The following TRAF3IP2 variants were observed in gnomAD, a reference collection of about 807,000 sequenced individuals.
TRAF3IP2 encodes the protein E3 ubiquitin ligase TRAF3IP2.
In TRAF3IP2, 35 loss-of-function variants were observed where a neutral mutation model predicts 57.9. The observed-to-expected ratio is 0.60, with a 90% confidence interval of 0.46 to 0.80. The LOEUF (loss-of-function observed/expected upper bound fraction) is 0.80. Ranked by LOEUF, TRAF3IP2 falls within the 30% of genes least tolerant of loss-of-function variation. TRAF3IP2 has a pLI of 0.00. For synonymous variants in TRAF3IP2, 251 were observed against 268.9 expected (o/e 0.93, Z 0.65); for missense variants, 556 against 706.4 (o/e 0.79, Z 2.41).
In TRAF3IP2 at chr6:111,559,478, C is replaced by A. The variant is rs760085841; in HGVS notation, c.1625G>T (p.Arg542Leu). The stretch of plus-strand genomic sequence containing the variant: ...CACATACTCTTCCTCTCTCAGCAGC[C>A]GCAGCAGGATGTTTTTTTTATTCTT... Reference protein sequence around the residue: ...WPKNKKNILLRLLREEEYVAP... With the variant: ...WPKNKKNILLLLLREEEYVAP... The change falls in exon 9 of 9, where the codon CGG becomes CTG. Residue 542 changes from arginine to leucine, a missense_variant. This residue lies in a region of TRAF3IP2 where 128 missense variants were observed against 207.7 expected (regional missense o/e 0.62). Coordinates refer to ENST00000368761, the MANE Select transcript of TRAF3IP2 (RefSeq NM_147686.4). 1.3e-5 allele frequency: 21 copies of A among 1,614,196 alleles called. No individual in the cohort carries two copies. Among genetic ancestry groups the A allele is most frequent in the Non-Finnish European group, 1.6e-5 (19 of 1,180,040 alleles).
intron 5 of TRAF3IP2, among the ~76,000 whole-genome samples, chr6:111,570,004 T>A (rs943795944): frequency 6.6e-6 from 1 of 152,160 alleles, no homozygotes; most frequent in African/African-American, 2.4e-5. Flanking sequence ...TACCTCAGAA[T>A]GTGACTGTAT....
At chr6:111,581,390 C>T (rs1796160103) in intron 2 of TRAF3IP2, among the ~76,000 whole-genome samples, 1 of 152,100 alleles carries the variant, frequency 6.6e-6, no homozygotes, top group Admixed American at 6.5e-5. Context: ...GCCCCTCCTA[C>T]CCACATAAGC....
chr6:111,602,222 GAGA>G (rs1371365739), intron 1 of TRAF3IP2: 1 of 152,298 alleles, frequency 6.6e-6, no homozygotes, highest in Non-Finnish European at 1.5e-5. Flanking sequence ...AAATGAGGAG[GAGA>G]AGGACTAATG....
chr6:111,603,156 C>T (rs1796926258), intron 1 of TRAF3IP2, among the ~76,000 whole-genome samples: 1 of 152,172 alleles, frequency 6.6e-6, no homozygotes, highest in Non-Finnish European at 1.5e-5. Context: ...TAGTCACAGC[C>T]AAGCACATGT....
intron 2 of TRAF3IP2, among the ~76,000 whole-genome samples, chr6:111,583,596 C>T (rs1379024686): frequency 6.6e-6 from 1 of 152,192 alleles, no homozygotes; most frequent in Non-Finnish European, 1.5e-5. Context: ...TCACTGTCTT[C>T]CATCACCCCC....
intron 1 of TRAF3IP2, among the ~76,000 whole-genome samples, chr6:111,593,798 C>A (rs1010740816): frequency 6.6e-6 from 1 of 152,050 alleles, no homozygotes; most frequent in African/African-American, 2.4e-5. Context: ...AGAGCCTACC[C>A]AAAAAACCTG....
intron 4 of TRAF3IP2, among the ~76,000 whole-genome samples, chr6:111,575,352 G>T (rs1294677170): frequency 6.6e-6 from 1 of 152,048 alleles, no homozygotes; most frequent in Non-Finnish European, 1.5e-5. Context: ...ACTGTGGGAG[G>T]CCGAGGCAGG....
At chr6:111,564,997 C>T (rs1254848281) in intron 7 of TRAF3IP2, among the ~76,000 whole-genome samples, 1 of 152,208 alleles carries the variant, frequency 6.6e-6, no homozygotes, top group South Asian at 2.1e-4. Flanking sequence ...AGGCAGTTTA[C>T]TCCCAGGAAT....
intron 1 of TRAF3IP2, 131 bp from the exon 2 acceptor site, chr6:111,592,225 G>T: frequency 2.6e-6 from 2 of 775,510 alleles, no homozygotes; most frequent in African/African-American, 1.7e-5. Flanking sequence ...TGCTTGCAAA[G>T]CCCTAATCAC....
chr6:111,594,645 T>G, intron 1 of TRAF3IP2: 1 of 348,438 alleles, frequency 2.9e-6, no homozygotes. Context: ...CTGGGCGTGG[T>G]GGCTCACACC....
chr6:111,576,900 T>C (rs1014878033), intron 3 of TRAF3IP2: 1 of 152,180 alleles, frequency 6.6e-6, no homozygotes, highest in African/African-American at 2.4e-5. Flanking sequence ...AAAATCTCTA[T>C]GTATATGCCC....
chr6:111,584,657 GAAAC>G (rs1437553553), intron 2 of TRAF3IP2, among the ~76,000 whole-genome samples: 1 of 146,734 alleles, frequency 6.8e-6, no homozygotes, highest in Non-Finnish European at 1.5e-5. Context: ...AAAAAAAAAA[GAAAC>G]AAGAAAAGTT....
At chr6:111,574,165 G>GTGGCTGTTTTCTTAAGAT (rs1795910804) in intron 4 of TRAF3IP2, among the ~76,000 whole-genome samples, 1 of 152,188 alleles carries the variant, frequency 6.6e-6, no homozygotes, top group African/African-American at 2.4e-5. Context: ...TTAAGAAAGT[G>GTGGCTGTTTTCTTAAGAT]TTCAGAAATA....
intron 1 of TRAF3IP2, among the ~76,000 whole-genome samples, chr6:111,595,083 T>C (rs1386089208): frequency 6.6e-6 from 1 of 151,942 alleles, no homozygotes; most frequent in East Asian, 1.9e-4. Flanking sequence ...AGTACAAAAA[T>C]TAGCTGGGTA....
intron 6 of TRAF3IP2, chr6:111,567,103 G>A (rs553210555): frequency 1.0e-5 from 9 of 895,322 alleles, no homozygotes; most frequent in South Asian, 4.5e-5. Flanking sequence ...AGAAGCAGCC[G>A]ACACGGACAC....
intron 2 of TRAF3IP2, among the ~76,000 whole-genome samples, chr6:111,581,135 C>G (rs73764007): frequency 6.6e-6 from 1 of 152,180 alleles, no homozygotes; most frequent in Non-Finnish European, 1.5e-5. Context: ...GGAAGGGCAG[C>G]CTGCTGCTGC....
chr6:111,570,060 A>C (rs1015113010), intron 5 of TRAF3IP2, among the ~76,000 whole-genome samples: 4 of 152,200 alleles, frequency 2.6e-5, no homozygotes, highest in Non-Finnish European at 5.9e-5. Context: ...AAAAGAGGTG[A>C]TATGTATGGG....
At chr6:111,573,818 C>G (rs1795901330) in intron 4 of TRAF3IP2, 1 of 152,162 alleles carries the variant, frequency 6.6e-6, no homozygotes, top group Non-Finnish European at 1.5e-5. Context: ...TGGAATGGAC[C>G]ACTTAAATCT....
intron 5 of TRAF3IP2, among the ~76,000 whole-genome samples, chr6:111,571,565 T>C (rs1219034851): frequency 3.3e-5 from 5 of 152,196 alleles, no homozygotes; most frequent in Non-Finnish European, 7.3e-5. Flanking sequence ...AGTCTCTATA[T>C]AATTATGGAG....
Sources: gnomAD v4.1 joint callset for allele counts (sites outside exome capture counted in the v4.1 genomes callset) on GRCh38, gnomAD v4.1.1 for gene constraint, gnomAD v4.1.1 regional missense constraint, MANE v1.5 for transcripts, NCBI Gene and HGNC (gene_info 2026-07-23, HGNC 2026-07-21) for gene names.